FRAS1: variants seen among roughly 807,000 people sequenced by gnomAD.
The protein encoded by FRAS1 is Fraser extracellular matrix complex subunit 1.
A neutral mutation model predicts 435.2 loss-of-function variants in FRAS1; 290 were observed. The ratio of observed to expected loss-of-function variants is 0.67; its 90% CI spans 0.61 to 0.73. The LOEUF is 0.73. Among genes scored for constraint, FRAS1 ranks in the 30% least tolerant of loss-of-function variants. FRAS1 has a pLI of 0.00. For missense variants in FRAS1, 4,860 were observed against 5,001.5 expected (o/e 0.97, Z 0.85); for synonymous variants, 1,800 against 1,851.0 (o/e 0.97, Z 0.71).
intron 38 of FRAS1, among the ~76,000 whole-genome samples, chr4:78,436,862 G>A (rs929201781): frequency 6.6e-6 from 1 of 151,938 alleles, no homozygotes. Flanking sequence ...CAGGAAGAAG[G>A]GCCACATACA....
chr4:78,514,927 G>T (rs1207221688), intron 65 of FRAS1, among the ~76,000 whole-genome samples: 1 of 151,990 alleles, frequency 6.6e-6, no homozygotes, highest in Admixed American at 6.6e-5. Flanking sequence ...AATTAGCCAG[G>T]TGTGGTGACG....
Position 78,260,625 on chromosome 4 carries a change from G to A in FRAS1, c.604-4400G>A, listed in dbSNP as rs542504440. Among the ~76,000 whole-genome samples, 870 of 152,016 alleles carry A rather than the reference G, an allele frequency of 5.7e-3. 4 individuals are homozygous for A. Among genetic ancestry groups the A allele is most frequent in the African/African-American group, 0.019 (801 of 41,438 alleles). Reference sequence around the variant, plus strand: ...TGGGCTGAGACAATGGGGTTTTCTAGATATACAATCATGTCATCTGCAAAC... The same window carrying A: ...TGGGCTGAGACAATGGGGTTTTCTAAATATACAATCATGTCATCTGCAAAC... On this transcript the variant is annotated intron_variant, in intron 6 of 73. Transcript: ENST00000512123.
chr4:78,336,845 GAGA>G lies in FRAS1; in HGVS notation c.2279-826_2279-824del, dbSNP rs540774818. Among the ~76,000 whole-genome samples the G allele has an allele frequency of 1.6e-4, 24 of 152,306 alleles. No individual in the cohort carries two copies. In the South Asian group the frequency reaches 4.1e-3, roughly 26 times the overall value. ...TGCTTAGACCTCCTTGTCCTTGGCA[GAGA>G]AGTTCTTAAATCTGCTTCCATGTGC... is the stretch of plus-strand genomic sequence containing the variant. On this transcript the variant is annotated intron_variant, in intron 19 of 73. Transcript: ENST00000512123.
intron 27 of FRAS1, among the ~76,000 whole-genome samples, chr4:78,380,711 A>G (rs1025990211): frequency 9.9e-5 from 15 of 152,244 alleles, no homozygotes; most frequent in African/African-American, 3.6e-4. Flanking sequence ...ATAATTCAGC[A>G]TAGACTCTAT....
chr4:78,129,694 A>T (rs1272135782), intron 2 of FRAS1, among the ~76,000 whole-genome samples: 1 of 152,174 alleles, frequency 6.6e-6, no homozygotes, highest in Non-Finnish European at 1.5e-5. Context: ...TGAGGCAATC[A>T]AGGGTATTTT....
At chr4:78,269,017 T>G (rs1726513248) in intron 9 of FRAS1, among the ~76,000 whole-genome samples, 1 of 152,254 alleles carries the variant, frequency 6.6e-6, no homozygotes, top group South Asian at 2.1e-4. Flanking sequence ...TTCCCAAGTT[T>G]TGTTTAAAGC....
intron 72 of FRAS1, among the ~76,000 whole-genome samples, chr4:78,538,279 T>G (rs1721942038): frequency 6.6e-6 from 1 of 152,232 alleles, no homozygotes; most frequent in South Asian, 2.1e-4. Context: ...TTTAACCGAG[T>G]AAATGTCGAT....
chr4:78,505,953 T>A (rs1303067310), intron 61 of FRAS1, among the ~76,000 whole-genome samples: 1 of 152,192 alleles, frequency 6.6e-6, no homozygotes, highest in Non-Finnish European at 1.5e-5. Context: ...TGCTATTCCT[T>A]TCTGTTTGTT....
In FRAS1 at chr4:78,101,730, T is replaced by C. The variant is rs373155660; in HGVS notation, c.108+35714T>C. Among the ~76,000 whole-genome samples, 60 of 152,342 alleles carry C rather than the reference T, an allele frequency of 3.9e-4. 2 individuals are homozygous for C. The highest frequency in any genetic ancestry group is 1.4e-3 in the African/African-American group (58 of 41,588). On this transcript the variant is annotated intron_variant, in intron 2 of 73. Transcript: ENST00000512123. ...GCTTTTAGCCTGTAATGTGCTTTCA[T>C]ATTTGTTGTAGAAATATGTATAAGA...
intron 10 of FRAS1, 30 bp downstream of exon 10, chr4:78,278,774 T>C (rs947350237): frequency 1.6e-6 from 2 of 1,276,080 alleles, no homozygotes; most frequent in South Asian, 2.5e-5. Context: ...CCGAAGATGA[T>C]TTCAAATTAA....
At chr4:78,310,482 T>A (rs1390098239) in intron 15 of FRAS1, among the ~76,000 whole-genome samples, 8 of 152,150 alleles carry the variant, frequency 5.3e-5, no homozygotes, top group African/African-American at 1.7e-4. Flanking sequence ...GAAAAACATC[T>A]CAAAGAAACT....
chr4:78,342,928 T>C (rs1201545501), intron 20 of FRAS1, among the ~76,000 whole-genome samples: 1 of 152,230 alleles, frequency 6.6e-6, no homozygotes, highest in Admixed American at 6.5e-5. Flanking sequence ...AAATGCAGGT[T>C]TGCTCTTTCC....
intron 63 of FRAS1, 76 bp downstream of exon 63, chr4:78,509,082 A>G (rs925572784): frequency 2.6e-6 from 4 of 1,513,238 alleles, no homozygotes; most frequent in African/African-American, 1.4e-5. Context: ...TCAGATAATC[A>G]AATTCCTTAT....
intron 14 of FRAS1, among the ~76,000 whole-genome samples, chr4:78,303,753 G>A (rs1229215756): frequency 1.3e-5 from 2 of 152,058 alleles, no homozygotes; most frequent in South Asian, 4.2e-4. Flanking sequence ...AGGAGATTTT[G>A]GGCTGAGACA....
In FRAS1 at chr4:78,452,015, A is replaced by C. The variant is rs1177206131; in HGVS notation, c.6583+124A>C. ...TACCTAGCTGGTGTGGAAACTGAAA[A>C]TCATACCCCCTTTATTGCACGAAGC... On this transcript the variant is annotated intron_variant, in intron 46 of 73. Coordinates refer to ENST00000512123, the MANE Select transcript of FRAS1 (RefSeq NM_025074.7). 5 of 1,260,250 alleles carry C rather than the reference A, an allele frequency of 4.0e-6. No individual in the cohort carries two copies. The African/African-American group carries it at 4.5e-5, about 11-fold the overall frequency. 78.1% of individuals were successfully genotyped at this position (1,260,250 alleles called of 1,614,324 possible). A position where few individuals can be genotyped will look rare whatever the true frequency, so the allele number is the denominator to read the frequency against.
At chr4:78,488,777 C>A in intron 58 of FRAS1, 98 bp from the exon 59 acceptor site, 2 of 1,102,290 alleles carry the variant, frequency 1.8e-6, no homozygotes, top group Non-Finnish European at 2.6e-6. Context: ...TGGTGGAGCT[C>A]ACCTGCCAAA....
chr4:78,506,833 A>T (rs62310273), intron 61 of FRAS1, among the ~76,000 whole-genome samples: 1,772 of 151,938 alleles, frequency 0.012, 26 homozygotes, highest in African/African-American at 0.04. Flanking sequence ...CTTCTGCGTC[A>T]ATCATGCTGG....
At chr4:78,405,361 G>A (rs17460595) in intron 30 of FRAS1, among the ~76,000 whole-genome samples, 23,611 of 151,898 alleles carry the variant, frequency 0.16, 2,293 homozygotes, top group Non-Finnish European at 0.23. Context: ...TTTATTGACA[G>A]CATCTTAGGA....
At chr4:78,077,830 TC>T (rs1324648293) in intron 2 of FRAS1, among the ~76,000 whole-genome samples, 2 of 152,108 alleles carry the variant, frequency 1.3e-5, no homozygotes, top group African/African-American at 4.8e-5. Context: ...GGAAGAACTT[TC>T]TTTTTTGTTT....
Sources: allele counts gnomAD v4.1 joint callset (sites outside exome capture counted in the v4.1 genomes callset), GRCh38; gene constraint gnomAD v4.1.1; transcripts MANE v1.5; gene names NCBI Gene and HGNC (gene_info 2026-07-23, HGNC 2026-07-21).